The following GRHPR variants were observed in gnomAD, a reference collection of about 807,000 sequenced individuals.
GRHPR encodes glyoxylate and hydroxypyruvate reductase, also known as glyoxylate reductase/hydroxypyruvate reductase.
GRHPR carries 35 observed loss-of-function variants against 36.8 expected under a neutral mutation model. The ratio of observed to expected loss-of-function variants is 0.95; its 90% CI spans 0.73 to 1.26. The LOEUF (loss-of-function observed/expected upper bound fraction) is 1.26. Ranked by LOEUF, GRHPR falls within the 50% of genes most tolerant of loss-of-function variation. GRHPR has a pLI of 0.00. For synonymous variants in GRHPR, 179 were observed against 181.0 expected (o/e 0.99, Z 0.09); for missense variants, 380 against 435.0 (o/e 0.87, Z 1.12).
At chr9:37,430,687 C>T (rs1465336853) in intron 7 of GRHPR, 41 bp downstream of exon 7, 1 of 1,581,608 alleles carries the variant, frequency 6.3e-7, no homozygotes, top group Non-Finnish European at 8.7e-7. Context: ...TGGAGAGGAG[C>T]CATCCCCACT....
Position 37,427,838 on chromosome 9 carries a change from CA to C in GRHPR, c.405-627del, listed in dbSNP as rs1157647918. Reference sequence around the variant, plus strand: ...GGGCGACACAGCAAGACCCTGTCTCCAAAAAAAAAAAAAAAAAAAGTTGGGG... The same window carrying C: ...GGGCGACACAGCAAGACCCTGTCTCCAAAAAAAAAAAAAAAAAAGTTGGGG... On this transcript the variant is annotated intron_variant, in intron 4 of 8. Coordinates refer to ENST00000318158, the MANE Select transcript of GRHPR (RefSeq NM_012203.2). The C allele has an allele frequency of 9.5e-3, 823 of 86,516 alleles. 4 individuals carry two copies. The highest frequency in any genetic ancestry group is 0.046 in the East Asian group (151 of 3,312). 5.4% of individuals were successfully genotyped at this position (86,516 alleles called of 1,614,324 possible).
chr9:37,439,031 A>G (rs1048091629), downstream of GRHPR: 3 of 152,246 alleles, frequency 2.0e-5, no homozygotes, highest in Admixed American at 1.3e-4. Context: ...AAAACTGAAT[A>G]ATTTATCTGA....
intron 1 of GRHPR, 98 bp from the exon 2 acceptor site, chr9:37,424,747 C>G: frequency 1.4e-6 from 2 of 1,453,560 alleles, no homozygotes; most frequent in Admixed American, 3.9e-5. Context: ...CCCGGGCAGC[C>G]TGAGGCCAGG....
At position 37,436,512 on chromosome 9, in the gene GRHPR, G is replaced by T; in HGVS notation, c.866-149G>T. 4 of 842,542 alleles carry T rather than the reference G, an allele frequency of 4.7e-6. No homozygotes were observed. The South Asian group carries it at 5.5e-5, about 12-fold the overall frequency. The allele number at this position is 842,542 out of a possible 1,614,324, so 52.2% of individuals were successfully genotyped here. A position where few individuals can be genotyped will look rare whatever the true frequency, so the allele number is the denominator to read the frequency against. On this transcript the variant is annotated intron_variant, in intron 8 of 8. Transcript: ENST00000318158. The stretch of plus-strand genomic sequence containing the variant: ...CAGCTCTGGGGGAGTGTCAAGCTTA[G>T]TGAAGGTGGGAGAGAAGGCAAAGCA...
intron 8 of GRHPR, chr9:37,434,519 C>T: frequency 4.7e-6 from 2 of 429,056 alleles, no homozygotes; most frequent in South Asian, 3.4e-5. Context: ...GAAAAGCCCG[C>T]AGAACATGTA....
rs1823251064 is a variant in GRHPR at position 37,429,588 on chromosome 9, C to T, written c.494-144C>T. 62 of 743,766 alleles carry T rather than the reference C, an allele frequency of 8.3e-5. No homozygotes were observed. In the South Asian group the frequency reaches 8.5e-4, roughly 10 times the overall value. 46.1% of individuals were successfully genotyped at this position (743,766 alleles called of 1,614,324 possible). A position where few individuals can be genotyped will look rare whatever the true frequency, so the allele number is the denominator to read the frequency against. On this transcript the variant is annotated intron_variant, in intron 5 of 8. Coordinates refer to ENST00000318158, the MANE Select transcript of GRHPR (RefSeq NM_012203.2). ...TTACAGTGGGGCAGCCAGCCCCCCA[C>T]CCGCTTTGGAGGAGACAGGAGCAGG...
intron 7 of GRHPR, 118 bp downstream of exon 7, chr9:37,430,764 C>A: frequency 1.1e-6 from 1 of 943,104 alleles, no homozygotes; most frequent in Non-Finnish European, 1.7e-6. Flanking sequence ...TTGCTGGTTT[C>A]CATAAACCAA....
At chr9:37,425,404 C>A (rs1212154896) in intron 2 of GRHPR, among the ~76,000 whole-genome samples, 1 of 152,266 alleles carries the variant, frequency 6.6e-6, no homozygotes, top group Admixed American at 6.5e-5. Flanking sequence ...AATAAACCTC[C>A]CCCTGTGAGG....
chr9:37,430,473 T>C lies in GRHPR; in HGVS notation c.599-38T>C, dbSNP rs181417684. On this transcript the variant is annotated intron_variant, in intron 6 of 8. Coordinates refer to ENST00000318158, the MANE Select transcript of GRHPR (RefSeq NM_012203.2). ...TCCCGCCATCTGGTTGTCCCTAGCC[T>C]GGGACTCAGTGCCTGATGGAGTCCT... is the stretch of plus-strand genomic sequence containing the variant. The C allele has an allele frequency of 1.7e-5, 27 of 1,597,000 alleles. No individual in the cohort carries two copies. In the Admixed American group the frequency reaches 4.5e-4, roughly 27 times the overall value.
At chr9:37,424,761 A>G (rs1471183135) in intron 1 of GRHPR, 84 bp from the exon 2 acceptor site, 3 of 1,521,982 alleles carry the variant, frequency 2.0e-6, no homozygotes, top group South Asian at 1.2e-5. Flanking sequence ...GGCCAGGGCC[A>G]TCAGAGGCCA....
chr9:37,422,447 C>T (rs756411556), upstream of GRHPR, among the ~76,000 whole-genome samples: 10 of 152,222 alleles, frequency 6.6e-5, no homozygotes, highest in Non-Finnish European at 1.3e-4. Flanking sequence ...AAGCAGGGCT[C>T]CCATGAGGCC....
chr9:37,427,851 A>AG, intron 4 of GRHPR: 1 of 155,962 alleles, frequency 6.4e-6, no homozygotes, highest in East Asian at 1.9e-4. Context: ...AAAAAAAAAA[A>AG]AAAAAAGTTG....
At chr9:37,431,769 T>A in intron 7 of GRHPR, 1 of 477,356 alleles carries the variant, frequency 2.1e-6, no homozygotes, top group South Asian at 2.1e-5. Flanking sequence ...GAGACACAGA[T>A]AATTCGAGGC....
rs149782105 is a variant in GRHPR, at chr9:37,424,962, C to T, written c.201C>T (p.Ile67=). 6.2e-7 allele frequency: 1 copy of T among 1,612,376 alleles called. No individual in the cohort carries two copies. The highest frequency in any genetic ancestry group is 1.1e-5 in the South Asian group (1 of 91,056). ...TCTCCGACCACGTGGACAAGAGGAT[C>T]CTGGATGCTGCAGGTGCACACTGGG... ...CLLSDHVDKR[I]LDAAGANLKV... Residue 67 remains isoleucine, a synonymous_variant, in exon 2 of 9, where the codon ATC becomes ATT. Coordinates refer to ENST00000318158, the MANE Select transcript of GRHPR (RefSeq NM_012203.2).
At chr9:37,433,482 C>T (rs1823476960) in intron 8 of GRHPR, among the ~76,000 whole-genome samples, 1 of 152,132 alleles carries the variant, frequency 6.6e-6, no homozygotes, top group Non-Finnish European at 1.5e-5. Context: ...GGTCCACCTG[C>T]CTCTGCCTCC....
intron 8 of GRHPR, 112 bp downstream of exon 8, chr9:37,432,250 A>C: frequency 1.0e-6 from 1 of 993,148 alleles, no homozygotes. Context: ...GTTGAACCCA[A>C]AGGGACACAC....
chr9:37,436,995 G>A (rs956624284), downstream of GRHPR: 7 of 519,098 alleles, frequency 1.3e-5, no homozygotes, highest in African/African-American at 1.9e-5. Context: ...CTGAGAGACC[G>A]TCTTGGCCTG....
At chr9:37,424,191 G>T (rs1367227211) in intron 1 of GRHPR, among the ~76,000 whole-genome samples, 1 of 152,228 alleles carries the variant, frequency 6.6e-6, no homozygotes, top group Non-Finnish European at 1.5e-5. Context: ...AGTAGCTCAC[G>T]CTGTACCCTG....
upstream of GRHPR, among the ~76,000 whole-genome samples, chr9:37,422,455 GC>G (rs1249124520): frequency 6.6e-6 from 1 of 152,164 alleles, no homozygotes; most frequent in Non-Finnish European, 1.5e-5. Flanking sequence ...CTCCCATGAG[GC>G]CTTGGACGGG....
Sources: gnomAD v4.1 joint callset for allele counts (sites outside exome capture counted in the v4.1 genomes callset) on GRCh38, gnomAD v4.1.1 for gene constraint, MANE v1.5 for transcripts, NCBI Gene and HGNC (gene_info 2026-07-23, HGNC 2026-07-21) for gene names.